The following PRPSAP2 variants were observed in gnomAD, a reference collection of about 807,000 sequenced individuals.
PRPSAP2 encodes phosphoribosyl pyrophosphate synthase-associated protein 2.
In PRPSAP2, 24 loss-of-function variants were observed where a neutral mutation model predicts 40.6. That is an observed-to-expected ratio of 0.59 (90% CI 0.43 to 0.83). The LOEUF is 0.83. Among genes scored for constraint, PRPSAP2 ranks in the 40% least tolerant of loss-of-function variants. The pLI, the probability that PRPSAP2 is intolerant of heterozygous loss-of-function variation, is 0.00. For missense variants in PRPSAP2, 292 were observed against 465.6 expected (o/e 0.63, Z 3.43); for synonymous variants, 149 against 164.7 (o/e 0.90, Z 0.73).
intron 6 of PRPSAP2, among the ~76,000 whole-genome samples, chr17:18,878,198 G>A (rs1353536914): frequency 6.6e-6 from 1 of 152,154 alleles, no homozygotes; most frequent in Non-Finnish European, 1.5e-5. Context: ...TTATAGTCAT[G>A]AACCACCATA....
Position 18,870,405 on chromosome 17 carries a change from G to GA in PRPSAP2, c.173-2170dup, listed in dbSNP as rs931834534. 5.3e-5 allele frequency among the ~76,000 whole-genome samples: 8 copies of GA among 151,374 alleles called. No homozygotes were observed. The South Asian group carries it at 1.0e-3, about 20-fold the overall frequency. On this transcript the variant is annotated intron_variant, in intron 4 of 11. Coordinates refer to ENST00000268835, the MANE Select transcript of PRPSAP2 (RefSeq NM_002767.4). ...CAGGGCGAGATGTGTCCCAAAAAAA[G>GA]AAAAAAAATGTAAGTTGCAGACAGT...
At chr17:18,864,822 A>G (rs2037313065) in intron 1 of PRPSAP2, 1 of 151,616 alleles carries the variant, frequency 6.6e-6, no homozygotes, top group Non-Finnish European at 1.5e-5. Flanking sequence ...CATCTCCATT[A>G]TGTGATGAGG....
chr17:18,872,614 G>A lies in PRPSAP2; in HGVS notation c.204G>A (p.Arg68=), dbSNP rs1597551625. The A allele has an allele frequency of 6.3e-7, 1 of 1,597,838 alleles. No individual in the cohort carries two copies. The highest frequency in any genetic ancestry group is 8.6e-7 in the Non-Finnish European group (1 of 1,165,634). Residue 68 remains arginine (R), a synonymous_variant, in exon 5 of 12, where the codon AGG becomes AGA. Coordinates refer to ENST00000268835, the MANE Select transcript of PRPSAP2 (RefSeq NM_002767.4). The part of the protein sequence containing the change: ...ETRVQIQESV[R]GKDVFIIQTV... ...GAGTACAAATTCAAGAGTCTGTGAGGGGAAAAGATGTTTTCATCATCCAAA... is the reference window on the plus strand; with the variant it reads ...GAGTACAAATTCAAGAGTCTGTGAGAGGAAAAGATGTTTTCATCATCCAAA...
intron 6 of PRPSAP2, among the ~76,000 whole-genome samples, chr17:18,881,242 CT>C (rs1223985566): frequency 4.5e-4 from 65 of 144,894 alleles, no homozygotes; most frequent in East Asian, 4.0e-4. Flanking sequence ...ACAATTTTGT[CT>C]TTTTTTTTTT....
intron 5 of PRPSAP2, among the ~76,000 whole-genome samples, chr17:18,875,632 G>A (rs1353387238): frequency 1.3e-5 from 2 of 151,576 alleles, no homozygotes; most frequent in Admixed American, 6.6e-5. Flanking sequence ...GGGAGGCCGA[G>A]GCGGGCAGAT....
At chr17:18,869,091 A>T (rs955964502) in intron 4 of PRPSAP2, among the ~76,000 whole-genome samples, 1 of 152,084 alleles carries the variant, frequency 6.6e-6, no homozygotes, top group South Asian at 2.1e-4. Flanking sequence ...GGAGTCTAGG[A>T]GGGAAGGTGA....
At chr17:18,929,369 A>ATAG (rs1041502369) in intron 11 of PRPSAP2, among the ~76,000 whole-genome samples, 2 of 150,254 alleles carry the variant, frequency 1.3e-5, no homozygotes, top group Non-Finnish European at 3.0e-5. Context: ...AATAATAATA[A>ATAG]TAATAATAAT....
At chr17:18,858,845 G>C (rs1450591948) in intron 1 of PRPSAP2, among the ~76,000 whole-genome samples, 2 of 107,740 alleles carry the variant, frequency 1.9e-5, no homozygotes, top group Non-Finnish European at 4.2e-5. Flanking sequence ...GCGGAATGGG[G>C]CTTTGGGGCT....
intron 1 of PRPSAP2, among the ~76,000 whole-genome samples, chr17:18,862,439 G>A (rs955668697): frequency 1.6e-4 from 21 of 128,954 alleles, no homozygotes; most frequent in African/African-American, 6.0e-5. Context: ...CTTATTTGAA[G>A]GTTAGGGGGT....
Position 18,877,804 on chromosome 17 carries a change from C to G in PRPSAP2, c.346C>G (p.Gln116Glu). 6.2e-7 allele frequency: 1 copy of G among 1,613,792 alleles called. No homozygotes were observed. ...GVIPYFPYSKQCKMRKRGSIV... is the reference protein window; with the variant it reads ...GVIPYFPYSKECKMRKRGSIV... ...GATACCCTACTTTCCTTACAGCAAGCAGTGCAAGATGAGAAAAAGAGGCTC... is the reference window on the plus strand; with the variant it reads ...GATACCCTACTTTCCTTACAGCAAGGAGTGCAAGATGAGAAAAAGAGGCTC... Residue 116 changes from glutamine (Q) to glutamate (E), a missense_variant, in exon 6 of 12, where the codon CAG (glutamine) becomes GAG (glutamate). Gln to Glu is a conservative substitution (Grantham distance 29). Around this residue, in one of 2 missense-constraint regions of PRPSAP2, gnomAD observed 241 missense variants for 425.7 expected, o/e 0.57. Coordinates refer to ENST00000268835, the MANE Select transcript of PRPSAP2 (RefSeq NM_002767.4).
intron 8 of PRPSAP2, 120 bp downstream of exon 8, chr17:18,889,997 C>A: frequency 1.4e-6 from 1 of 724,762 alleles, no homozygotes; most frequent in East Asian, 3.0e-5. Flanking sequence ...ATTTTTCTTC[C>A]ATGGACTGGT....
chr17:18,926,099 A>C (rs2041954368), intron 10 of PRPSAP2, among the ~76,000 whole-genome samples: 1 of 150,478 alleles, frequency 6.6e-6, no homozygotes, highest in South Asian at 2.1e-4. Context: ...CTCTGTCTCA[A>C]AAAAAAAATA....
intron 9 of PRPSAP2, among the ~76,000 whole-genome samples, chr17:18,918,188 G>C (rs765669888): frequency 3.3e-5 from 5 of 152,190 alleles, no homozygotes; most frequent in Admixed American, 3.3e-4. Flanking sequence ...CATCTGGGCA[G>C]GGGTTAAATC....
At chr17:18,916,420 G>T (rs1268520232) in intron 9 of PRPSAP2, among the ~76,000 whole-genome samples, 4 of 149,232 alleles carry the variant, frequency 2.7e-5, no homozygotes, top group Admixed American at 2.7e-4. Flanking sequence ...TTGTTGCCCA[G>T]GCTGGAGTGC....
At chr17:18,918,783 G>GAGTGT (rs1364012022) in intron 9 of PRPSAP2, among the ~76,000 whole-genome samples, 1 of 152,174 alleles carries the variant, frequency 6.6e-6, no homozygotes, top group Non-Finnish European at 1.5e-5. Flanking sequence ...AACGGGGTGG[G>GAGTGT]GAGCAGTGGG....
At chr17:18,866,767 A>G (rs1007132237) in intron 3 of PRPSAP2, among the ~76,000 whole-genome samples, 3 of 152,196 alleles carry the variant, frequency 2.0e-5, no homozygotes, top group African/African-American at 7.2e-5. Flanking sequence ...TCAAGTCAAC[A>G]AAACAAACAA....
intron 6 of PRPSAP2, among the ~76,000 whole-genome samples, chr17:18,878,440 C>T (rs965702763): frequency 6.6e-6 from 1 of 152,216 alleles, no homozygotes; most frequent in African/African-American, 2.4e-5. Flanking sequence ...TTTCAGGTAA[C>T]AACCTAAGTA....
intron 8 of PRPSAP2, among the ~76,000 whole-genome samples, chr17:18,892,727 G>GTGTGTGTGTGTGTTTGTT (rs60288281): frequency 9.9e-4 from 126 of 126,698 alleles, no homozygotes; most frequent in Non-Finnish European, 1.6e-3. Flanking sequence ...GTGTGTGTGT[G>GTGTGTGTGTGTGTTTGTT]TATTTATTTA....
Position 18,911,726 on chromosome 17 carries a change from A to C in PRPSAP2, c.733+475A>C, listed in dbSNP as rs1298125678. Among the ~76,000 whole-genome samples, 1 of 152,240 alleles carries C rather than the reference A, an allele frequency of 6.6e-6. No homozygotes were observed. The highest frequency in any genetic ancestry group is 1.5e-5 in the Non-Finnish European group (1 of 68,040). ...ATCAAGACTATCTGGAAACGAGAAA[A>C]ATATATGGAATATATATGAACAAGG... On this transcript the variant is annotated intron_variant, in intron 9 of 11. Transcript: ENST00000268835. This position sits in a 1 kb window ranked among gnomAD's most constrained non-coding sequence, Gnocchi z 4.5.
Sources: allele counts gnomAD v4.1 joint callset (sites outside exome capture counted in the v4.1 genomes callset), GRCh38; gene constraint gnomAD v4.1.1; regional missense constraint gnomAD v4.1.1; non-coding constraint Gnocchi (gnomAD v3.1); transcripts MANE v1.5; gene names NCBI Gene and HGNC (gene_info 2026-07-23, HGNC 2026-07-21).